The following MAPKAPK5 variants were observed in gnomAD, a reference collection of about 807,000 sequenced individuals.
MAPKAPK5 encodes the protein MAP kinase-activated protein kinase 5.
Under a neutral mutation model 65.1 loss-of-function variants are expected in MAPKAPK5, and 30 were observed. The observed-to-expected ratio is 0.46, with a 90% CI of 0.34 to 0.63. The LOEUF (loss-of-function observed/expected upper bound fraction) is 0.63. MAPKAPK5 is among the 20% of genes least tolerant of loss of function. The pLI, the probability that MAPKAPK5 is intolerant of heterozygous loss-of-function variation, is 0.01. For synonymous variants in MAPKAPK5, 179 were observed against 204.6 expected (o/e 0.87, Z 1.07); for missense variants, 433 against 581.4 (o/e 0.74, Z 2.63).
At chr12:111,865,709 G>A (rs1422590332) in intron 2 of MAPKAPK5, among the ~76,000 whole-genome samples, 1 of 151,832 alleles carries the variant, frequency 6.6e-6, no homozygotes, top group African/African-American at 2.4e-5. Context: ...GGTGGTGGGT[G>A]CCTGTAATCC....
intron 7 of MAPKAPK5, among the ~76,000 whole-genome samples, chr12:111,873,082 G>A (rs1169868601): frequency 6.6e-6 from 1 of 151,198 alleles, no homozygotes; most frequent in South Asian, 2.1e-4. Context: ...TTAATGCTTA[G>A]TACTTTTTGT....
chr12:111,849,574 TA>T, intron 1 of MAPKAPK5, among the ~76,000 whole-genome samples: 1 of 152,358 alleles, frequency 6.6e-6, no homozygotes, highest in East Asian at 1.9e-4. Context: ...GAGTTCTTTA[TA>T]AACTGAATAA....
At position 111,892,988 on chromosome 12, in the gene MAPKAPK5, T is replaced by C. The variant is rs1460729373; in HGVS notation, c.1343T>C (p.Val448Ala). The change falls in exon 14 of 14, where the codon GTA (valine) becomes GCA (alanine). Residue 448 changes from valine (V) to alanine (A), a missense_variant. Around this residue, in one of 3 missense-constraint regions of MAPKAPK5, gnomAD observed 169 missense variants for 215.6 expected, o/e 0.78. Transcript: ENST00000550735. ...SWNGRGFTDK[V>A]DRLKLAEIVK... ...TCAGGTCGTGGATTCACAGATAAAG[T>C]AGATCGACTAAAACTGGCAGAAATT... 1 of 1,577,736 alleles carries C rather than the reference T, an allele frequency of 6.3e-7. No homozygotes were observed. Among genetic ancestry groups the C allele is most frequent in the Admixed American group, 1.8e-5 (1 of 54,840 alleles).
At chr12:111,875,764 C>T (rs1023006835) in intron 7 of MAPKAPK5, among the ~76,000 whole-genome samples, 1 of 152,122 alleles carries the variant, frequency 6.6e-6, no homozygotes, top group Non-Finnish European at 1.5e-5. Context: ...TCGCTGAATT[C>T]TTTTTACCCA....
rs1273722955 is a variant in MAPKAPK5, at chr12:111,897,790, C to G, written c.*4729C>G. 1 of 152,084 alleles carries G rather than the reference C, an allele frequency of 6.6e-6. No individual in the cohort carries two copies. Among genetic ancestry groups the G allele is most frequent in the Non-Finnish European group, 1.5e-5 (1 of 68,012 alleles). 9.4% of individuals were successfully genotyped at this position (152,084 alleles called of 1,614,324 possible). On this transcript the variant is annotated 3_prime_UTR_variant, in exon 14 of 14. Transcript: ENST00000550735. The stretch of plus-strand genomic sequence containing the variant: ...GTGAATAAATTGATCTGCTCTCATG[C>G]TGTTATCTAAGATCTTATGCTACCA...
At chr12:111,865,834 C>CAAAAAAAAA (rs1157723498) in intron 2 of MAPKAPK5, among the ~76,000 whole-genome samples, 1 of 57,416 alleles carries the variant, frequency 1.7e-5, no homozygotes, top group Non-Finnish European at 3.7e-5. Flanking sequence ...GATTCTGTCT[C>CAAAAAAAAA]AAAAAAAAAA....
chr12:111,891,036 CA>C (rs2136158838), intron 13 of MAPKAPK5, among the ~76,000 whole-genome samples: 1 of 152,258 alleles, frequency 6.6e-6, no homozygotes, highest in East Asian at 1.9e-4. Context: ...GGGAAGGGAG[CA>C]AACTGAAGAT....
Position 111,866,169 on chromosome 12 carries a change from A to C in MAPKAPK5, c.124A>C (p.Lys42Gln), listed in dbSNP as rs897851325. ...ISGPVRVCVK[K>Q]STQERFALKI... ...CTCCAAATCTAGAGTCTGTGTAAAG[A>C]AATCTACTCAAGAACGGTTTGCGCT... The change falls in exon 3 of 14, where the codon AAA (lysine) becomes CAA (glutamine). Residue 42 changes from lysine to glutamine, a missense_variant. Around this residue, in one of 3 missense-constraint regions of MAPKAPK5, gnomAD observed 165 missense variants for 180.0 expected, o/e 0.92. Coordinates refer to ENST00000550735, the MANE Select transcript of MAPKAPK5 (RefSeq NM_003668.4). The C allele has an allele frequency of 1.9e-6, 3 of 1,610,984 alleles. No individual in the cohort carries two copies. Among genetic ancestry groups the C allele is most frequent in the Non-Finnish European group, 2.5e-6 (3 of 1,178,612 alleles).
At chr12:111,888,409 T>A in intron 10 of MAPKAPK5, 79 bp from the exon 11 acceptor site, 1 of 1,563,582 alleles carries the variant, frequency 6.4e-7, no homozygotes, top group Non-Finnish European at 8.6e-7. Context: ...CTTTGAGCTT[T>A]TCCTTTCCAC....
chr12:111,846,151 A>G (rs2068901552), intron 1 of MAPKAPK5, among the ~76,000 whole-genome samples: 1 of 152,198 alleles, frequency 6.6e-6, no homozygotes. Context: ...ATCAGTACTG[A>G]TTAGGATGTA....
Position 111,901,456 on chromosome 12 carries a change from C to A in MAPKAPK5, c.*8395C>A. The stretch of plus-strand genomic sequence containing the variant: ...ACTCATTCCAGACGTGAAGAACATG[C>A]TGTAGACATGATGATATTATCATTC... On this transcript the variant is annotated 3_prime_UTR_variant, in exon 14 of 14. Coordinates refer to ENST00000550735, the MANE Select transcript of MAPKAPK5 (RefSeq NM_003668.4). The A allele has an allele frequency of 2.2e-6, 1 of 455,668 alleles. No individual in the cohort carries two copies. The highest frequency in any genetic ancestry group is 1.6e-5 in the South Asian group (1 of 64,482). 28.2% of individuals were successfully genotyped at this position (455,668 alleles called of 1,614,324 possible).
chr12:111,853,570 T>A (rs2069150771), intron 1 of MAPKAPK5, among the ~76,000 whole-genome samples: 2 of 152,160 alleles, frequency 1.3e-5, no homozygotes, highest in African/African-American at 4.8e-5. Context: ...AGTCTCTCTC[T>A]GTTGCCCAGG....
Position 111,844,959 on chromosome 12 carries a change from T to A in MAPKAPK5, c.36+2190T>A, listed in dbSNP as rs560154703. Among the ~76,000 whole-genome samples, 275 of 152,334 alleles carry A rather than the reference T, an allele frequency of 1.8e-3. 1 individual carries two copies. The highest frequency in any genetic ancestry group is 1.6e-3 in the Non-Finnish European group (110 of 68,032). On this transcript the variant is annotated intron_variant, in intron 1 of 13. Transcript: ENST00000550735. ...AATGGGAAGCAAGGCACTTAGGGCC[T>A]TGTAGGCCATCGTAAGAACTTTGGG...
intron 1 of MAPKAPK5, among the ~76,000 whole-genome samples, chr12:111,855,869 T>TC (rs960278063): frequency 6.6e-6 from 1 of 151,428 alleles, no homozygotes; most frequent in Non-Finnish European, 1.5e-5. Flanking sequence ...TTTTTTTTTT[T>TC]CTTGAGATGG....
At chr12:111,857,903 T>G (rs1276939299) in intron 1 of MAPKAPK5, among the ~76,000 whole-genome samples, 3 of 151,410 alleles carry the variant, frequency 2.0e-5, no homozygotes, top group African/African-American at 7.3e-5. Flanking sequence ...GTGTGTGTGT[T>G]TGTGTGTGTG....
At chr12:111,886,452 G>C (rs187189520) in intron 10 of MAPKAPK5, among the ~76,000 whole-genome samples, 8 of 152,344 alleles carry the variant, frequency 5.3e-5, no homozygotes, top group Non-Finnish European at 8.8e-5. Context: ...CAGAAAAAGA[G>C]CACATCTTTG....
intron 6 of MAPKAPK5, among the ~76,000 whole-genome samples, 187 bp from the exon 7 acceptor site, chr12:111,870,898 A>C (rs1419797664): frequency 6.6e-6 from 1 of 152,166 alleles, no homozygotes; most frequent in Non-Finnish European, 1.5e-5. Flanking sequence ...TTACTTCTGC[A>C]TTACTAAGGA....
chr12:111,855,179 T>C (rs1469518528), intron 1 of MAPKAPK5, among the ~76,000 whole-genome samples: 1 of 152,212 alleles, frequency 6.6e-6, no homozygotes, highest in Admixed American at 6.5e-5. Flanking sequence ...ATTGGTCAAT[T>C]CAGCTAAAGG....
chr12:111,868,277 G>A (rs1424840466), intron 4 of MAPKAPK5, among the ~76,000 whole-genome samples: 1 of 152,172 alleles, frequency 6.6e-6, no homozygotes, highest in East Asian at 1.9e-4. Context: ...TCATAGCAGT[G>A]CAATAGGCAC....
Sources: gnomAD v4.1 joint callset for allele counts (sites outside exome capture counted in the v4.1 genomes callset) on GRCh38, gnomAD v4.1.1 for gene constraint, gnomAD v4.1.1 regional missense constraint, MANE v1.5 for transcripts, NCBI Gene and HGNC (gene_info 2026-07-23, HGNC 2026-07-21) for gene names.